The following GPC5 variants were observed in gnomAD, a reference collection of about 807,000 sequenced individuals.
The protein encoded by GPC5 is glypican 5, also known as glypican-5.
Under a neutral mutation model 53.9 loss-of-function variants are expected in GPC5, and 47 were observed. That is an observed-to-expected ratio of 0.87 (90% CI 0.69 to 1.11). GPC5 has a LOEUF of 1.11. GPC5 is among the 50% of genes most tolerant of loss of function. The pLI, the probability that GPC5 is intolerant of heterozygous loss-of-function variation, is 0.00. For missense variants in GPC5, 748 were observed against 713.1 expected (o/e 1.05, Z -0.56); for synonymous variants, 286 against 263.3 (o/e 1.09, Z -0.84).
intron 7 of GPC5, among the ~76,000 whole-genome samples, chr13:92,305,031 A>G (rs2043101803): frequency 6.6e-6 from 1 of 152,212 alleles, no homozygotes; most frequent in African/African-American, 2.4e-5. Context: ...AATAGAAAAA[A>G]CTTTTTATTT....
At chr13:92,850,680 G>T (rs1007891756) in intron 7 of GPC5, among the ~76,000 whole-genome samples, 2 of 152,174 alleles carry the variant, frequency 1.3e-5, no homozygotes, top group Non-Finnish European at 2.9e-5. Context: ...GGTCTATAAA[G>T]TAAGGATTAG....
At chr13:91,409,659 C>CT (rs1555303586) in intron 1 of GPC5, among the ~76,000 whole-genome samples, 9 of 151,370 alleles carry the variant, frequency 5.9e-5, no homozygotes, top group Admixed American at 1.3e-4. Flanking sequence ...CTTTTCTTTT[C>CT]TTTTTTTTTG....
chr13:92,341,036 G>C (rs2043362166), intron 7 of GPC5, among the ~76,000 whole-genome samples: 1 of 151,986 alleles, frequency 6.6e-6, no homozygotes, highest in Admixed American at 6.6e-5. Flanking sequence ...TTTAAAATTT[G>C]GTAATAGACA....
At chr13:92,250,228 AT>A (rs2042682857) in intron 7 of GPC5, among the ~76,000 whole-genome samples, 1 of 152,122 alleles carries the variant, frequency 6.6e-6, no homozygotes, top group Non-Finnish European at 1.5e-5. Context: ...CCAGATGTGT[AT>A]GGCTTTTTAT....
At position 92,198,520 on chromosome 13, in the gene GPC5, C is replaced by T. The variant is rs1047754183; in HGVS notation, c.1561+53531C>T. The stretch of plus-strand genomic sequence containing the variant: ...TGACCAAATTAGCTCAAATATTATT[C>T]TTGCTTCCATCATGAATGTGGATTA... On this transcript the variant is annotated intron_variant, in intron 7 of 7. Transcript: ENST00000377067. Among the ~76,000 whole-genome samples the T allele has an allele frequency of 1.1e-4, 17 of 152,118 alleles. No individual in the cohort carries two copies. In the South Asian group the frequency reaches 2.3e-3, roughly 20 times the overall value.
intron 6 of GPC5, among the ~76,000 whole-genome samples, chr13:92,043,083 A>G (rs1298665644): frequency 6.6e-6 from 1 of 152,214 alleles, no homozygotes. Flanking sequence ...GACAGAGAAG[A>G]AAAAACTATG....
intron 7 of GPC5, among the ~76,000 whole-genome samples, chr13:92,765,446 G>A (rs892255233): frequency 1.3e-5 from 2 of 152,144 alleles, no homozygotes; most frequent in East Asian, 1.9e-4. Flanking sequence ...TACAAGTTTT[G>A]TTCTACTAAA....
intron 2 of GPC5, among the ~76,000 whole-genome samples, chr13:91,570,307 A>C (rs2086103420): frequency 6.6e-6 from 1 of 152,166 alleles, no homozygotes; most frequent in South Asian, 2.1e-4. Context: ...TCCAAAATCC[A>C]AAATTCTCCT....
chr13:91,828,781 A>C (rs1229910553), intron 5 of GPC5, among the ~76,000 whole-genome samples: 1 of 152,042 alleles, frequency 6.6e-6, no homozygotes, highest in Non-Finnish European at 1.5e-5. Context: ...GAATCTATGA[A>C]CCTAAACTGA....
chr13:91,439,325 A>T (rs1880246100), intron 1 of GPC5, among the ~76,000 whole-genome samples: 1 of 152,258 alleles, frequency 6.6e-6, no homozygotes, highest in African/African-American at 2.4e-5. Flanking sequence ...GGTTCGAGAC[A>T]GCTCCCTGAG....
intron 6 of GPC5, among the ~76,000 whole-genome samples, chr13:91,931,190 TC>T (rs1365807594): frequency 1.3e-5 from 2 of 152,088 alleles, no homozygotes; most frequent in Admixed American, 1.3e-4. Context: ...TACAGATTTT[TC>T]CACTTCTGAG....
At chr13:92,438,170 T>C (rs58604456) in intron 7 of GPC5, among the ~76,000 whole-genome samples, 1 of 151,936 alleles carries the variant, frequency 6.6e-6, no homozygotes, top group African/African-American at 2.4e-5. Context: ...CAAAGTAGAC[T>C]CAGTCTACTT....
chr13:91,997,334 A>G (rs540409994), intron 6 of GPC5, among the ~76,000 whole-genome samples: 1 of 152,308 alleles, frequency 6.6e-6, no homozygotes, highest in South Asian at 2.1e-4. Context: ...TTTATTGTAC[A>G]TATGTAATTC....
In GPC5 at chr13:92,804,086, G is replaced by A. The variant is rs144140806; in HGVS notation, c.1562-62196G>A. On this transcript the variant is annotated intron_variant, in intron 7 of 7. Transcript: ENST00000377067. ...TTTCTCTAATCCACAGGGATTCTTCGCAGCAATCAGCTAGTAGTATGTAGA... is the reference window on the plus strand; with the variant it reads ...TTTCTCTAATCCACAGGGATTCTTCACAGCAATCAGCTAGTAGTATGTAGA... Among the ~76,000 whole-genome samples the A allele has an allele frequency of 6.8e-3, 1,032 of 152,034 alleles. 8 individuals carry two copies. Among genetic ancestry groups the A allele is most frequent in the Middle Eastern group, 0.027 (8 of 294 alleles).
chr13:92,711,225 C>T (rs1279255997), intron 7 of GPC5, among the ~76,000 whole-genome samples: 2 of 152,124 alleles, frequency 1.3e-5, no homozygotes, highest in Non-Finnish European at 2.9e-5. Flanking sequence ...ACATGCATAA[C>T]ATTTTGCCAC....
chr13:92,174,873 G>C (rs1010080713), intron 7 of GPC5, among the ~76,000 whole-genome samples: 1 of 152,202 alleles, frequency 6.6e-6, no homozygotes, highest in African/African-American at 2.4e-5. Context: ...TTTTGAGACA[G>C]AGTTTCGCTC....
chr13:92,749,403 A>G (rs977426930), intron 7 of GPC5, among the ~76,000 whole-genome samples: 1 of 152,084 alleles, frequency 6.6e-6, no homozygotes. Context: ...ATAAACTTTC[A>G]TTGTTTGTGA....
chr13:91,915,188 GTTAGTTATC>G (rs2039646652), intron 6 of GPC5, among the ~76,000 whole-genome samples: 1 of 152,142 alleles, frequency 6.6e-6, no homozygotes, highest in South Asian at 2.1e-4. Context: ...AACAGATTTA[GTTAGTTATC>G]TTTTGGTTCA....
chr13:92,230,079 A>G (rs888040663), intron 7 of GPC5, among the ~76,000 whole-genome samples: 2 of 152,140 alleles, frequency 1.3e-5, no homozygotes, highest in African/African-American at 4.8e-5. Context: ...AAAGAGAAAG[A>G]AAAAACAAAA....
Sources: allele counts gnomAD v4.1 joint callset (sites outside exome capture counted in the v4.1 genomes callset), GRCh38; gene constraint gnomAD v4.1.1; transcripts MANE v1.5; gene names NCBI Gene and HGNC (gene_info 2026-07-23, HGNC 2026-07-21).